Variants in SNX13 observed in about 807,000 individuals in gnomAD.
SNX13 encodes the protein sorting nexin 13.
SNX13 carries 45 observed loss-of-function variants against 133.6 expected under a neutral mutation model. The ratio of observed to expected loss-of-function variants is 0.34; its 90% CI spans 0.27 to 0.43. The LOEUF is 0.43. Among genes scored for constraint, SNX13 ranks in the 20% least tolerant of loss-of-function variants. SNX13 has a pLI of 1.00. For missense variants in SNX13, 1,032 were observed against 1,145.1 expected (o/e 0.90, Z 1.43); for synonymous variants, 414 against 373.9 (o/e 1.11, Z -1.24).
chr7:17,877,070 C>G (rs534805849), intron 5 of SNX13, among the ~76,000 whole-genome samples: 6 of 113,934 alleles, frequency 5.3e-5, no homozygotes, highest in East Asian at 2.3e-4. Flanking sequence ...AAAAAAAAAG[C>G]CTTAAAGAGT....
intron 22 of SNX13, among the ~76,000 whole-genome samples, chr7:17,799,824 AT>A (rs973407633): frequency 2.0e-5 from 3 of 151,888 alleles, no homozygotes; most frequent in African/African-American, 7.2e-5. Context: ...ATGCAAAAAA[AT>A]ACGTATAAAA....
intron 1 of SNX13, among the ~76,000 whole-genome samples, chr7:17,921,415 C>T (rs1800116550): frequency 6.6e-6 from 1 of 152,176 alleles, no homozygotes; most frequent in Non-Finnish European, 1.5e-5. Context: ...TAAACTTTCC[C>T]TCTAGGATCA....
At chr7:17,907,377 CAGA>C (rs1292734328) in intron 1 of SNX13, 2 of 152,148 alleles carry the variant, frequency 1.3e-5, no homozygotes, top group African/African-American at 4.8e-5. Context: ...TTCAATACCT[CAGA>C]AGGTGATACT....
chr7:17,933,472 G>A (rs1209783808), intron 1 of SNX13, among the ~76,000 whole-genome samples: 3 of 151,698 alleles, frequency 2.0e-5, no homozygotes, highest in Admixed American at 2.0e-4. Flanking sequence ...GAACCCGTGA[G>A]ACAGAGCTTG....
chr7:17,900,929 A>G (rs1797763662), intron 1 of SNX13, among the ~76,000 whole-genome samples: 1 of 151,632 alleles, frequency 6.6e-6, no homozygotes, highest in African/African-American at 2.4e-5. Flanking sequence ...TCACATCTAA[A>G]GCCAGCATGT....
intron 20 of SNX13, among the ~76,000 whole-genome samples, chr7:17,810,423 A>T (rs565899883): frequency 7.2e-5 from 11 of 152,154 alleles, no homozygotes; most frequent in Non-Finnish European, 1.2e-4. Flanking sequence ...AACCAAGAAG[A>T]AGTCGAATCC....
chr7:17,907,088 A>G (rs1321260632), intron 1 of SNX13, among the ~76,000 whole-genome samples: 1 of 152,170 alleles, frequency 6.6e-6, no homozygotes, highest in East Asian at 1.9e-4. Context: ...AGGACAAAAT[A>G]ATAGAAAAAA....
intron 1 of SNX13, among the ~76,000 whole-genome samples, chr7:17,908,077 A>G (rs776796429): frequency 6.6e-6 from 1 of 152,168 alleles, no homozygotes; most frequent in Non-Finnish European, 1.5e-5. Flanking sequence ...TTCATTCAAG[A>G]TCCCAAATGT....
intron 15 of SNX13, chr7:17,831,332 T>C: frequency 1.1e-6 from 1 of 891,632 alleles, no homozygotes; most frequent in Non-Finnish European, 1.3e-6. Flanking sequence ...AAGGAAAGCA[T>C]AATTCATATA....
rs1426984863 is a variant in SNX13 at position 17,805,261 on chromosome 7, GCGCGCA to G, written c.2065-1687_2065-1682del. 1.6e-3 allele frequency among the ~76,000 whole-genome samples: 236 copies of G among 148,286 alleles called. 2 individuals are homozygous for G. Among genetic ancestry groups the G allele is most frequent in the African/African-American group, 3.0e-3 (121 of 40,392 alleles). On this transcript the variant is annotated intron_variant, in intron 20 of 25. Transcript: ENST00000428135. The stretch of plus-strand genomic sequence containing the variant: ...TGTGTGTGTGTGTGTGCGTGCGCGC[GCGCGCA>G]TGCATGCACATGTGTAATTCTAATT...
At position 17,893,432 on chromosome 7, in the gene SNX13, C is replaced by A; in HGVS notation, c.128G>T (p.Gly43Val). The A allele has an allele frequency of 6.5e-7, 1 of 1,535,434 alleles. No individual in the cohort carries two copies. Among genetic ancestry groups the A allele is most frequent in the Non-Finnish European group, 8.8e-7 (1 of 1,137,848 alleles). Reference protein sequence around the residue: ...TFYILCFVGGGLVVTLLFGKT... With the variant: ...TFYILCFVGGVLVVTLLFGKT... Reference sequence around the variant, plus strand: ...TCCAAACAGGAGAGTAACCACTAAACCCCTAGAAAGAAAAATTTAATCACA... The same window carrying A: ...TCCAAACAGGAGAGTAACCACTAAAACCCTAGAAAGAAAAATTTAATCACA... Residue 43 changes from glycine (G) to valine (V), a missense_variant and splice_region_variant, in exon 3 of 26, where the codon GGT (glycine) becomes GTT (valine). Coordinates refer to ENST00000428135, the MANE Select transcript of SNX13 (RefSeq NM_015132.5).
At chr7:17,905,460 G>T (rs2691558) in intron 1 of SNX13, among the ~76,000 whole-genome samples, 67,135 of 151,956 alleles carry the variant, frequency 0.44, 15,239 homozygotes, top group South Asian at 0.66. Context: ...ATACAGAAAA[G>T]ATAATGCCTT....
chr7:17,856,445 T>C (rs940061624), intron 9 of SNX13, among the ~76,000 whole-genome samples: 1 of 152,162 alleles, frequency 6.6e-6, no homozygotes, highest in African/African-American at 2.4e-5. Context: ...TCCTTACCTA[T>C]TAGTAGTAAC....
intron 1 of SNX13, among the ~76,000 whole-genome samples, chr7:17,916,900 T>C (rs2691579): frequency 0.41 from 61,928 of 151,912 alleles, 13,130 homozygotes; most frequent in East Asian, 0.62. Flanking sequence ...TGAACACAGA[T>C]GCAAAAATCC....
At chr7:17,871,469 C>CT (rs1239847437) in intron 8 of SNX13, among the ~76,000 whole-genome samples, 13 of 152,146 alleles carry the variant, frequency 8.5e-5, no homozygotes, top group Admixed American at 8.5e-4. Context: ...ATGCCTTAAC[C>CT]TTTGAGTTTC....
intron 8 of SNX13, among the ~76,000 whole-genome samples, chr7:17,869,463 T>C (rs915260518): frequency 6.6e-6 from 1 of 152,158 alleles, no homozygotes; most frequent in Non-Finnish European, 1.5e-5. Context: ...GCCAGTAATA[T>C]ATAAATTTAT....
At chr7:17,918,452 A>T (rs527656500) in intron 1 of SNX13, among the ~76,000 whole-genome samples, 21 of 152,240 alleles carry the variant, frequency 1.4e-4, no homozygotes, top group African/African-American at 3.8e-4. Context: ...AAAAAAATTT[A>T]AAAATGGGCA....
chr7:17,804,608 TAAAG>T (rs1478311108), intron 20 of SNX13, among the ~76,000 whole-genome samples: 14 of 151,638 alleles, frequency 9.2e-5, no homozygotes, highest in Middle Eastern at 3.4e-3. Context: ...TTTACATTAA[TAAAG>T]AAAGAGACAT....
In SNX13 at chr7:17,826,073, T is replaced by A. The variant is rs375387517; in HGVS notation, c.1654A>T (p.Asn552Tyr). ...SINLSLDDLS[N>Y]VSSDDSVQLH... is the part of the protein sequence containing the mutation. ...TGTACTGAGTCATCAGAAGAAACAT[T>A]TGAAAGGTCATCTAAAGACTGAGAA... is the stretch of plus-strand genomic sequence containing the variant. Residue 552 changes from asparagine (N) to tyrosine (Y), a missense_variant, in exon 17 of 26, where the codon AAT becomes TAT. Transcript: ENST00000428135. The A allele has an allele frequency of 1.3e-6, 2 of 1,558,272 alleles. No individual in the cohort carries two copies. The highest frequency in any genetic ancestry group is 1.7e-6 in the Non-Finnish European group (2 of 1,150,372).
Sources: gnomAD v4.1 joint callset for allele counts (sites outside exome capture counted in the v4.1 genomes callset) on GRCh38, gnomAD v4.1.1 for gene constraint, MANE v1.5 for transcripts, NCBI Gene and HGNC (gene_info 2026-07-23, HGNC 2026-07-21) for gene names.